The following OTUD3 variants were observed in gnomAD, a reference collection of about 807,000 sequenced individuals.
OTUD3 encodes OTU deubiquitinase 3.
A neutral mutation model predicts 46.2 loss-of-function variants in OTUD3; 24 were observed. That is an observed-to-expected ratio of 0.52 (90% CI 0.38 to 0.73). The LOEUF (loss-of-function observed/expected upper bound fraction) is 0.73. OTUD3 is among the 30% of genes least tolerant of loss of function. The pLI is 0.00. For synonymous variants in OTUD3, 189 were observed against 195.4 expected (o/e 0.97, Z 0.27); for missense variants, 455 against 523.3 (o/e 0.87, Z 1.27).
At chr1:19,904,537 G>A in intron 5 of OTUD3, 139 bp downstream of exon 5, 1 of 740,498 alleles carries the variant, frequency 1.4e-6, no homozygotes, top group Non-Finnish European at 2.2e-6. Context: ...AGTTTGATTA[G>A]TGTATGTGGC....
In OTUD3 at chr1:19,911,686, C is replaced by G. The variant is rs1249653185; in HGVS notation, c.*3940C>G. On this transcript the variant is annotated 3_prime_UTR_variant, in exon 8 of 8. Transcript: ENST00000375120. ...TACGGGTGTGAGCAACCCTGCCCGG[C>G]CAGTAAATTGTATTTTTTTAATGAC... is the stretch of plus-strand genomic sequence containing the variant. 3 of 152,222 alleles carry G rather than the reference C, an allele frequency of 2.0e-5. No homozygotes were observed. The highest frequency in any genetic ancestry group is 1.5e-5 in the Non-Finnish European group (1 of 68,026). The allele number at this position is 152,222 out of a possible 1,614,324, so 9.4% of individuals were successfully genotyped here.
In OTUD3 at chr1:19,886,636, C is replaced by T. The variant is rs547883062; in HGVS notation, c.222-3749C>T. On this transcript the variant is annotated intron_variant, in intron 1 of 7. Transcript: ENST00000375120. ...TTTAAAAAAAAATTTACAGATGATT[C>T]TTATATGCATCCATAATTGAGAGTG... Among the ~76,000 whole-genome samples the T allele has an allele frequency of 3.3e-5, 5 of 152,324 alleles. No individual in the cohort carries two copies. In the South Asian group the frequency reaches 1.0e-3, roughly 32 times the overall value.
At chr1:19,897,843 CTTA>C (rs2045537749) in intron 4 of OTUD3, 181 bp downstream of exon 4, 3 of 507,304 alleles carry the variant, frequency 5.9e-6, no homozygotes, top group Middle Eastern at 5.3e-4. Context: ...GATAAAATTG[CTTA>C]TTATTATTTT....
In OTUD3 at chr1:19,909,285, C is replaced by G. The variant is rs1459982059; in HGVS notation, c.*1539C>G. On this transcript the variant is annotated 3_prime_UTR_variant, in exon 8 of 8. Coordinates refer to ENST00000375120, the MANE Select transcript of OTUD3 (RefSeq NM_015207.2). ...TGGTATCTTTTGGTTTTGTTTTTGA[C>G]TTTGGTGGCTTTTTGTAGTTGGAGC... 1.3e-5 allele frequency: 2 copies of G among 152,232 alleles called. No individual in the cohort carries two copies. The highest frequency in any genetic ancestry group is 1.9e-4 in the East Asian group (1 of 5,334). 9.4% of individuals were successfully genotyped at this position (152,232 alleles called of 1,614,324 possible).
chr1:19,894,422 T>C lies in OTUD3; in HGVS notation c.425T>C (p.Phe142Ser). Residue 142 changes from phenylalanine (F) to serine (S), a missense_variant, in exon 3 of 8, where the codon TTT becomes TCT. Physicochemically the swap from Phe to Ser is radical, Grantham distance 155 (BLOSUM62 -2). Coordinates refer to ENST00000375120, the MANE Select transcript of OTUD3 (RefSeq NM_015207.2). ...GCTGGCAATGATGCAATTGTAGCCT[T>C]TGCAAGAAATCATCAGTTGAATGTA... Reference protein sequence around the residue: ...TFAGNDAIVAFARNHQLNVVI... With the variant: ...TFAGNDAIVASARNHQLNVVI... The C allele has an allele frequency of 6.2e-7, 1 of 1,611,762 alleles. No individual in the cohort carries two copies. Among genetic ancestry groups the C allele is most frequent in the Non-Finnish European group, 8.5e-7 (1 of 1,178,896 alleles).
chr1:19,882,794 G>A, intron 1 of OTUD3, 60 bp downstream of exon 1: 1 of 1,240,454 alleles, frequency 8.1e-7, no homozygotes, highest in Non-Finnish European at 1.0e-6. Flanking sequence ...TCGGCCTGGC[G>A]ACCGTTGCCC....
chr1:19,900,740 A>G (rs190497438), intron 4 of OTUD3, among the ~76,000 whole-genome samples: 1 of 152,120 alleles, frequency 6.6e-6, no homozygotes, highest in Admixed American at 6.5e-5. Flanking sequence ...CCCTGTTCAC[A>G]TGTTGATGCC....
chr1:19,882,673 G>C lies in OTUD3; in HGVS notation c.160G>C (p.Val54Leu), dbSNP rs2045286828. 1 of 1,457,578 alleles carries C rather than the reference G, an allele frequency of 6.9e-7. No individual in the cohort carries two copies. The highest frequency in any genetic ancestry group is 1.5e-5 in the African/African-American group (1 of 68,204). The allele number at this position is 1,457,578 out of a possible 1,614,324, so 90.3% of individuals were successfully genotyped here. A position where few individuals can be genotyped will look rare whatever the true frequency, so the allele number is the denominator to read the frequency against. The change falls in exon 1 of 8, where the codon GTC becomes CTC. Residue 54 changes from valine to leucine, a missense_variant. Coordinates refer to ENST00000375120, the MANE Select transcript of OTUD3 (RefSeq NM_015207.2). The part of the protein sequence containing the change: ...GGGGGCEEEF[V>L]SFANQLQALG... The stretch of plus-strand genomic sequence containing the variant: ...CGGCGGCGGCTGCGAGGAGGAGTTC[G>C]TCAGCTTCGCCAACCAGCTGCAGGC...
At chr1:19,894,505 T>C (rs1266281583) in intron 3 of OTUD3, 25 bp downstream of exon 3, 2 of 1,312,190 alleles carry the variant, frequency 1.5e-6, no homozygotes, top group Non-Finnish European at 1.1e-6. Context: ...TAAACATTTA[T>C]CTTAAGCTCT....
At chr1:19,897,426 T>C in intron 3 of OTUD3, 114 bp from the exon 4 acceptor site, 3 of 992,802 alleles carry the variant, frequency 3.0e-6, no homozygotes, top group Non-Finnish European at 4.5e-6. Context: ...TGTTCCCAAT[T>C]AGTGTCTCAT....
intron 4 of OTUD3, among the ~76,000 whole-genome samples, chr1:19,903,546 A>G (rs1012315426): frequency 6.4e-4 from 97 of 151,876 alleles, no homozygotes; most frequent in African/African-American, 2.3e-3. Flanking sequence ...AAAAAATAGA[A>G]CTGTCTTTGC....
chr1:19,892,336 C>CAA (rs1221130020), intron 2 of OTUD3, among the ~76,000 whole-genome samples: 8 of 152,272 alleles, frequency 5.3e-5, no homozygotes, highest in African/African-American at 1.7e-4. Flanking sequence ...TCATAGTTAC[C>CAA]TGTTTTTAAT....
chr1:19,900,985 G>A (rs1047179926), intron 4 of OTUD3, among the ~76,000 whole-genome samples: 1 of 149,236 alleles, frequency 6.7e-6, no homozygotes, highest in Non-Finnish European at 1.5e-5. Flanking sequence ...GAGTGCAGTG[G>A]TGCAACCTCT....
At position 19,904,963 on chromosome 1, in the gene OTUD3, C is replaced by G. The variant is rs369009180; in HGVS notation, c.811C>G (p.Arg271Gly). 6.3e-6 allele frequency: 10 copies of G among 1,582,098 alleles called. No individual in the cohort carries two copies. The East Asian group carries it at 2.2e-4, about 35-fold the overall frequency. Residue 271 changes from arginine (R) to glycine (G), a missense_variant, in exon 6 of 8, where the codon CGG becomes GGG. Physicochemically the swap from Arg to Gly is moderately radical, Grantham distance 125 (BLOSUM62 -2). Transcript: ENST00000375120. ...TGAATCTGCAATAATTGCCGTGCTTCGGATGAACCAAGGGAAGAGAAATAG... is the reference window on the plus strand; with the variant it reads ...TGAATCTGCAATAATTGCCGTGCTTGGGATGAACCAAGGGAAGAGAAATAG... ...NIESAIIAVL[R>G]MNQGKRNNAE... is the part of the protein sequence containing the mutation.
rs978406779 is a variant in OTUD3 at position 19,909,790 on chromosome 1, G to T, written c.*2044G>T. 6.6e-6 allele frequency: 1 copy of T among 152,338 alleles called. No individual in the cohort carries two copies. Among genetic ancestry groups the T allele is most frequent in the East Asian group, 1.9e-4 (1 of 5,338 alleles). The allele number at this position is 152,338 out of a possible 1,614,324, so 9.4% of individuals were successfully genotyped here. ...TTGGGTTTTAGAAGTTTTAGAAGCT[G>T]CTAAAAAGTTATTAAAGAATATTGG... On this transcript the variant is annotated 3_prime_UTR_variant, in exon 8 of 8. Coordinates refer to ENST00000375120, the MANE Select transcript of OTUD3 (RefSeq NM_015207.2).
At chr1:19,890,050 A>G (rs998093327) in intron 1 of OTUD3, among the ~76,000 whole-genome samples, 3 of 152,250 alleles carry the variant, frequency 2.0e-5, no homozygotes, top group Non-Finnish European at 2.9e-5. Flanking sequence ...GGAATGGCCT[A>G]TAAGGTCTGG....
intron 1 of OTUD3, among the ~76,000 whole-genome samples, chr1:19,885,123 T>TTAG (rs2045338690): frequency 2.0e-5 from 3 of 152,094 alleles, no homozygotes; most frequent in Admixed American, 6.6e-5. Flanking sequence ...ATCTACAGGT[T>TTAG]GTTTAGGGTG....
chr1:19,900,509 A>T (rs2045572644), intron 4 of OTUD3, among the ~76,000 whole-genome samples: 1 of 152,218 alleles, frequency 6.6e-6, no homozygotes, highest in African/African-American at 2.4e-5. Flanking sequence ...ACTTAAAAAA[A>T]AAATTAAATC....
rs187641095 is a variant in OTUD3, at chr1:19,884,931, G to T, written c.221+2197G>T. Among the ~76,000 whole-genome samples, 417 of 152,300 alleles carry T rather than the reference G, an allele frequency of 2.7e-3. 1 individual carries two copies. Among genetic ancestry groups the T allele is most frequent in the Non-Finnish European group, 5.0e-3 (340 of 68,024 alleles). On this transcript the variant is annotated intron_variant, in intron 1 of 7. Coordinates refer to ENST00000375120, the MANE Select transcript of OTUD3 (RefSeq NM_015207.2). ...GAGAAGGAAAAGGCTACTACTCTAT[G>T]AATTGGCCAGGAAGTCCTTCTCGTT...
Sources: gnomAD v4.1 joint callset for allele counts (sites outside exome capture counted in the v4.1 genomes callset) on GRCh38, gnomAD v4.1.1 for gene constraint, MANE v1.5 for transcripts, NCBI Gene and HGNC (gene_info 2026-07-23, HGNC 2026-07-21) for gene names.